DISP1: variants seen among roughly 807,000 people sequenced by gnomAD.
DISP1 encodes the protein dispatched RND transporter family member 1, also known as protein dispatched homolog 1.
A neutral mutation model predicts 37.3 loss-of-function variants in DISP1; 30 were observed. The ratio of observed to expected loss-of-function variants is 0.80; its 90% CI spans 0.60 to 1.09. The LOEUF is 1.09. Among genes scored for constraint, DISP1 ranks in the 50% least tolerant of loss-of-function variants. The pLI, the probability that DISP1 is intolerant of heterozygous loss-of-function variation, is 0.00. For synonymous variants in DISP1, 634 were observed against 690.2 expected (o/e 0.92, Z 1.28); for missense variants, 1,598 against 1,879.5 (o/e 0.85, Z 2.77).
At chr1:222,959,083 A>T (rs577096089) in intron 3 of DISP1, among the ~76,000 whole-genome samples, 2 of 152,258 alleles carry the variant, frequency 1.3e-5, no homozygotes, top group African/African-American at 4.8e-5. Flanking sequence ...ATTTTAATAA[A>T]TTTTATCGTG....
At chr1:222,914,072 T>C (rs2125428129) in intron 1 of DISP1, among the ~76,000 whole-genome samples, 1 of 151,688 alleles carries the variant, frequency 6.6e-6, no homozygotes, top group Middle Eastern at 3.4e-3. Context: ...AGGAAATCAT[T>C]AAAATCTTTG....
intron 3 of DISP1, among the ~76,000 whole-genome samples, chr1:222,968,006 C>T (rs1019841566): frequency 6.6e-6 from 1 of 152,040 alleles, no homozygotes; most frequent in Non-Finnish European, 1.5e-5. Context: ...AAGGGAATTA[C>T]GATCTTTTTA....
At chr1:222,818,283 A>G (rs922529418) in intron 1 of DISP1, among the ~76,000 whole-genome samples, 10 of 152,172 alleles carry the variant, frequency 6.6e-5, no homozygotes, top group Non-Finnish European at 1.5e-4. Flanking sequence ...TACAGCAGAA[A>G]GACTTTTAGT....
At position 222,991,552 on chromosome 1, in the gene DISP1, G is replaced by C; in HGVS notation, c.696G>C (p.Gln232His). The C allele has an allele frequency of 1.9e-6, 3 of 1,613,894 alleles. No individual in the cohort carries two copies. The highest frequency in any genetic ancestry group is 1.3e-5 in the African/African-American group (1 of 75,026). Residue 232 changes from glutamine to histidine, a missense_variant, in exon 6 of 9, where the codon CAG (glutamine) becomes CAC (histidine). Coordinates refer to ENST00000675850, the MANE Select transcript of DISP1 (RefSeq NM_001377229.1). ...AACCAAGAGGAACAGCAATAGGCCA[G>C]AGATTGGTCACATGGAATAATATGG... is the stretch of plus-strand genomic sequence containing the variant. ...GFEPRGTAIG[Q>H]RLVTWNNMVK...
intron 3 of DISP1, among the ~76,000 whole-genome samples, chr1:222,957,974 A>G (rs555367123): frequency 1.3e-5 from 2 of 152,324 alleles, no homozygotes; most frequent in South Asian, 2.1e-4. Context: ...GGCAGAGACC[A>G]TGTACATTAT....
At chr1:222,956,709 G>C (rs539769393) in intron 3 of DISP1, among the ~76,000 whole-genome samples, 2 of 152,144 alleles carry the variant, frequency 1.3e-5, no homozygotes, top group South Asian at 4.2e-4. Flanking sequence ...AGTGTTTGGT[G>C]AGTGTTTTGG....
At chr1:222,982,864 TAGCCACTC>T (rs1677935212) in intron 3 of DISP1, among the ~76,000 whole-genome samples, 2 of 151,980 alleles carry the variant, frequency 1.3e-5, no homozygotes, top group African/African-American at 4.8e-5. Flanking sequence ...GCCTCCTGAC[TAGCCACTC>T]GAGCTGTCTC....
chr1:222,891,590 G>T (rs1178836848), intron 1 of DISP1, among the ~76,000 whole-genome samples: 2 of 152,060 alleles, frequency 1.3e-5, no homozygotes, highest in African/African-American at 4.8e-5. Flanking sequence ...AAACAAAAAA[G>T]CAGGAAAAAC....
chr1:222,863,162 A>C (rs1487365948), intron 1 of DISP1, among the ~76,000 whole-genome samples: 2 of 152,016 alleles, frequency 1.3e-5, no homozygotes, highest in Admixed American at 1.3e-4. Flanking sequence ...GCAACTCATC[A>C]CTTGGTTAAG....
intron 3 of DISP1, among the ~76,000 whole-genome samples, chr1:222,975,003 A>G (rs2102658843): frequency 6.6e-6 from 1 of 152,228 alleles, no homozygotes; most frequent in Middle Eastern, 3.4e-3. Flanking sequence ...GTGACTTTTG[A>G]GGTTAAAATG....
At chr1:222,873,852 C>T (rs1479951162) in intron 1 of DISP1, among the ~76,000 whole-genome samples, 5 of 152,130 alleles carry the variant, frequency 3.3e-5, no homozygotes, top group African/African-American at 1.2e-4. Flanking sequence ...TTAGTTGATG[C>T]AGTTTCTTCC....
intron 2 of DISP1, among the ~76,000 whole-genome samples, chr1:222,938,787 G>T: frequency 6.7e-6 from 1 of 148,990 alleles, no homozygotes; most frequent in Non-Finnish European, 1.5e-5. Flanking sequence ...AAGGAAGGAC[G>T]GGATGAAGAG....
chr1:222,825,326 T>C (rs1664064471), intron 1 of DISP1, among the ~76,000 whole-genome samples: 1 of 152,200 alleles, frequency 6.6e-6, no homozygotes, highest in South Asian at 2.1e-4. Flanking sequence ...TTTCATAATA[T>C]ATATGTATAT....
chr1:222,895,146 T>C (rs1671177632), intron 1 of DISP1, among the ~76,000 whole-genome samples: 5 of 152,176 alleles, frequency 3.3e-5, no homozygotes, highest in Admixed American at 2.6e-4. Flanking sequence ...CATTTCTTAA[T>C]TGTGATGGGC....
Position 223,003,392 on chromosome 1 carries a change from T to C in DISP1, c.1995T>C (p.Asn665=), listed in dbSNP as rs1283324948. 3 of 1,614,146 alleles carry C rather than the reference T, an allele frequency of 1.9e-6. No homozygotes were observed. The South Asian group carries it at 3.3e-5, about 18-fold the overall frequency. ...TGCTGCATGAGCGGTATCTTCTTAA[T>C]ATATTCACTTGCTTCAAAAAGCCCC... ...VVVLHERYLL[N]IFTCFKKPQQ... The change falls in exon 9 of 9, where the codon AAT becomes AAC. Residue 665 remains asparagine (N), a synonymous_variant. Coordinates refer to ENST00000675850, the MANE Select transcript of DISP1 (RefSeq NM_001377229.1). This position sits in a 1 kb window ranked among gnomAD's most constrained non-coding sequence, Gnocchi z 4.3.
intron 3 of DISP1, among the ~76,000 whole-genome samples, chr1:222,959,648 C>T (rs760329550): frequency 1.4e-4 from 21 of 146,144 alleles, no homozygotes; most frequent in African/African-American, 4.0e-4. Flanking sequence ...TGCAGTGAAC[C>T]GAGACTGTGC....
intron 3 of DISP1, among the ~76,000 whole-genome samples, chr1:222,953,225 T>TG (rs1675356264): frequency 6.6e-6 from 1 of 152,228 alleles, no homozygotes; most frequent in Non-Finnish European, 1.5e-5. Flanking sequence ...CAGTAGCTAT[T>TG]TTGCACTTAA....
chr1:222,861,540 A>C (rs932270344), intron 1 of DISP1, among the ~76,000 whole-genome samples: 1 of 152,158 alleles, frequency 6.6e-6, no homozygotes, highest in Non-Finnish European at 1.5e-5. Flanking sequence ...GAATCCCATC[A>C]CTATTGCTTG....
At chr1:222,937,219 C>T (rs1203343675) in intron 2 of DISP1, among the ~76,000 whole-genome samples, 4 of 150,158 alleles carry the variant, frequency 2.7e-5, no homozygotes, top group Non-Finnish European at 5.9e-5. Flanking sequence ...CCTCCTGAGT[C>T]GCTCGGACTA....
Sources: allele counts gnomAD v4.1 joint callset (sites outside exome capture counted in the v4.1 genomes callset), GRCh38; gene constraint gnomAD v4.1.1; non-coding constraint Gnocchi (gnomAD v3.1); transcripts MANE v1.5; gene names NCBI Gene and HGNC (gene_info 2026-07-23, HGNC 2026-07-21).